The following COX6B1 variants were observed in gnomAD, a reference collection of about 807,000 sequenced individuals.
The protein encoded by COX6B1 is cytochrome c oxidase subunit 6B1.
A neutral mutation model predicts 14.0 loss-of-function variants in COX6B1; 2 were observed. The ratio of observed to expected loss-of-function variants is 0.14; its 90% CI spans 0.06 to 0.45. The LOEUF (loss-of-function observed/expected upper bound fraction) is 0.45. COX6B1 is among the 20% of genes least tolerant of loss of function. The probability of loss-of-function intolerance (pLI) is 0.98; values close to 1 mark genes in which losing one functional copy is unlikely to be tolerated. For missense variants in COX6B1, 81 were observed against 114.2 expected, an observed-to-expected ratio of 0.71 and a Z score of 1.33; for synonymous variants, 30 against 39.7, an observed-to-expected ratio of 0.76 and a Z score of 0.92.
intron 1 of COX6B1, chr19:35,648,907 C>T (rs1967790860): frequency 3.8e-6 from 2 of 533,258 alleles, no homozygotes; most frequent in Middle Eastern, 3.2e-4. Flanking sequence ...GAGATCTCGC[C>T]GGTAACGATC....
At chr19:35,655,132 C>T (rs1430985558) in intron 3 of COX6B1, among the ~76,000 whole-genome samples, 1 of 150,900 alleles carries the variant, frequency 6.6e-6, no homozygotes, top group Non-Finnish European at 1.5e-5. Flanking sequence ...TGGGTTCAAG[C>T]GATTCCCCTG....
intron 3 of COX6B1, among the ~76,000 whole-genome samples, chr19:35,656,479 CTT>C (rs371195079): frequency 4.0e-3 from 487 of 122,534 alleles, no homozygotes; most frequent in African/African-American, 0.013. Context: ...GTTGTTAGAC[CTT>C]TTTTTTTTTT....
At chr19:35,652,598 C>A (rs1967838832) in intron 2 of COX6B1, among the ~76,000 whole-genome samples, 1 of 146,218 alleles carries the variant, frequency 6.8e-6, no homozygotes, top group South Asian at 2.2e-4. Context: ...CCATGCCCAG[C>A]TAATTTTTTG....
intron 3 of COX6B1, among the ~76,000 whole-genome samples, chr19:35,655,807 C>T (rs80311986): frequency 6.6e-6 from 1 of 151,236 alleles, no homozygotes; most frequent in East Asian, 2.0e-4. Flanking sequence ...CTCTCGCTCT[C>T]TCTTGCTCTC....
At position 35,654,609 on chromosome 19, in the gene COX6B1, G is replaced by A; in HGVS notation, c.145G>A (p.Gly49Ser). 1 of 1,614,176 alleles carries A rather than the reference G, an allele frequency of 6.2e-7. No homozygotes were observed. Among genetic ancestry groups the A allele is most frequent in the Non-Finnish European group, 8.5e-7 (1 of 1,180,038 alleles). ...TCAGAAGGCAATGACCGCTAAAGGA[G>A]GCGATATCTCTGTGTGCGAATGGTA... ...RCQKAMTAKG[G>S]DISVCEWYQR... is the part of the protein sequence containing the mutation. The change falls in exon 3 of 4, where the codon GGC (glycine) becomes AGC (serine). Residue 49 changes from glycine (G) to serine (S), a missense_variant. Gly to Ser is a moderately conservative substitution (Grantham distance 56). Transcript: ENST00000649813.
intron 3 of COX6B1, among the ~76,000 whole-genome samples, chr19:35,656,760 C>T (rs542245868): frequency 1.1e-4 from 16 of 152,262 alleles, no homozygotes; most frequent in South Asian, 2.1e-4. Flanking sequence ...GGATTACCGG[C>T]GTGAGCCACC....
intron 2 of COX6B1, among the ~76,000 whole-genome samples, chr19:35,653,332 G>T (rs1967850795): frequency 1.3e-5 from 2 of 150,310 alleles, no homozygotes; most frequent in South Asian, 4.2e-4. Context: ...GAGTGCAGTG[G>T]TACAACCTTG....
chr19:35,653,612 G>T (rs1169770629), intron 2 of COX6B1, among the ~76,000 whole-genome samples: 4 of 135,294 alleles, frequency 3.0e-5, no homozygotes, highest in African/African-American at 1.1e-4. Flanking sequence ...ATGGAGTCTC[G>T]CTCTGTCGCC....
chr19:35,650,587 A>G (rs1178824226), intron 1 of COX6B1, among the ~76,000 whole-genome samples: 1 of 152,076 alleles, frequency 6.6e-6, no homozygotes, highest in African/African-American at 2.4e-5. Flanking sequence ...AGGCGCCTGT[A>G]ATCTCAGCTG....
chr19:35,657,989 G>A (rs973954742), intron 3 of COX6B1, among the ~76,000 whole-genome samples: 2 of 151,978 alleles, frequency 1.3e-5, no homozygotes, highest in African/African-American at 4.8e-5. Flanking sequence ...TGGGGGTCTT[G>A]CCGTGTTGTC....
intron 3 of COX6B1, among the ~76,000 whole-genome samples, chr19:35,655,091 G>A (rs1050301552): frequency 4.0e-5 from 6 of 149,360 alleles, no homozygotes; most frequent in East Asian, 2.0e-4. Context: ...GTGCAGTGGC[G>A]CGATCTTGCC....
intron 2 of COX6B1, among the ~76,000 whole-genome samples, chr19:35,652,592 G>A (rs11667254): frequency 0.09 from 13,208 of 147,522 alleles, 672 homozygotes; most frequent in South Asian, 0.18. Flanking sequence ...CCGCCACCAT[G>A]CCCAGCTAAT....
intron 2 of COX6B1, among the ~76,000 whole-genome samples, chr19:35,653,620 G>A (rs1053389873): frequency 1.4e-5 from 2 of 140,524 alleles, no homozygotes; most frequent in African/African-American, 5.4e-5. Context: ...TCGCTCTGTC[G>A]CCCAGGCTGG....
In COX6B1 at chr19:35,658,667, C is replaced by G. The variant is rs372163838; in HGVS notation, c.*20C>G. On this transcript the variant is annotated 3_prime_UTR_variant, in exon 4 of 4. Transcript: ENST00000649813. The stretch of plus-strand genomic sequence containing the variant: ...ATCTGAACTGGCTGCATCTCCCTTT[C>G]CTCTGTCCTCCATCCTTCTCCCAGG... 1.2e-6 allele frequency: 2 copies of G among 1,611,584 alleles called. No individual in the cohort carries two copies. The highest frequency in any genetic ancestry group is 1.7e-6 in the Non-Finnish European group (2 of 1,177,936).
intron 2 of COX6B1, among the ~76,000 whole-genome samples, chr19:35,654,191 T>C (rs1191306051): frequency 6.6e-6 from 1 of 152,254 alleles, no homozygotes; most frequent in African/African-American, 2.4e-5. Context: ...ATTTCCATTT[T>C]GGAGTTCTTA....
Position 35,654,583 on chromosome 19 carries a change from G to A in COX6B1, c.119G>A (p.Cys40Tyr), listed in dbSNP as rs1332987186. 1 of 1,614,038 alleles carries A rather than the reference G, an allele frequency of 6.2e-7. No homozygotes were observed. Among genetic ancestry groups the A allele is most frequent in the Non-Finnish European group, 8.5e-7 (1 of 1,180,002 alleles). Reference protein sequence around the residue: ...CWQNYLDFHRCQKAMTAKGGD... With the variant: ...CWQNYLDFHRYQKAMTAKGGD... ...CCTTTCTTCACAGACTTCCACCGCT[G>A]TCAGAAGGCAATGACCGCTAAAGGA... is the stretch of plus-strand genomic sequence containing the variant. Residue 40 changes from cysteine (C) to tyrosine (Y), a missense_variant, in exon 3 of 4, where the codon TGT becomes TAT. Coordinates refer to ENST00000649813, the MANE Select transcript of COX6B1 (RefSeq NM_001863.5).
intron 3 of COX6B1, among the ~76,000 whole-genome samples, chr19:35,655,759 C>A (rs946687501): frequency 2.4e-5 from 2 of 83,262 alleles, no homozygotes; most frequent in Non-Finnish European, 4.4e-5. Context: ...GTGCCTGTCT[C>A]TCTCTCTCTC....
rs971521801 is a variant in COX6B1, at chr19:35,651,297, C to T, written c.54C>T (p.Asp18=). ...KIKNYKTAPF[D]SRFPNQNQTR... ...AGAACTACAAGACCGCCCCTTTTGA[C>T]AGCCGCTTCCCCAACCAGAACCAGA... The change falls in exon 2 of 4, where the codon GAC becomes GAT. Residue 18 remains aspartate, a synonymous_variant. Transcript: ENST00000649813. 4 of 1,614,110 alleles carry T rather than the reference C, an allele frequency of 2.5e-6. No homozygotes were observed. Among genetic ancestry groups the T allele is most frequent in the Non-Finnish European group, 3.4e-6 (4 of 1,179,994 alleles).
chr19:35,652,648 G>A (rs1967839629), intron 2 of COX6B1, among the ~76,000 whole-genome samples: 1 of 146,144 alleles, frequency 6.8e-6, no homozygotes, highest in South Asian at 2.2e-4. Context: ...GTTTCACCAT[G>A]TTGATCAGGC....
Sources: allele counts gnomAD v4.1 joint callset (sites outside exome capture counted in the v4.1 genomes callset), GRCh38; gene constraint gnomAD v4.1.1; transcripts MANE v1.5; gene names NCBI Gene and HGNC (gene_info 2026-07-23, HGNC 2026-07-21).